Variants in MTMR2 observed in about 807,000 individuals in gnomAD.
The protein encoded by MTMR2 is myotubularin related protein 2.
In MTMR2, 55 loss-of-function variants were observed where a neutral mutation model predicts 86.9. That is an observed-to-expected ratio of 0.63 (90% CI 0.51 to 0.79). The LOEUF (loss-of-function observed/expected upper bound fraction) is 0.79, where lower values mean the gene tolerates loss of function less well. MTMR2 is among the 30% of genes least tolerant of loss of function. MTMR2 has a pLI of 0.00. For synonymous variants in MTMR2, 241 were observed against 266.8 expected (o/e 0.90, Z 0.94); for missense variants, 659 against 772.3 (o/e 0.85, Z 1.74).
intron 11 of MTMR2, among the ~76,000 whole-genome samples, chr11:95,842,538 T>A (rs551316663): frequency 6.6e-6 from 1 of 152,320 alleles, no homozygotes; most frequent in African/African-American, 2.4e-5. Flanking sequence ...ACCTAGTTTC[T>A]CAGTTATTTC....
chr11:95,840,523 G>A (rs747469258), intron 12 of MTMR2, among the ~76,000 whole-genome samples: 1 of 151,986 alleles, frequency 6.6e-6, no homozygotes, highest in Non-Finnish European at 1.5e-5. Flanking sequence ...CACACCAAAG[G>A]TCTGATTTAT....
At chr11:95,853,161 G>A (rs1266423780) in intron 7 of MTMR2, among the ~76,000 whole-genome samples, 1 of 148,956 alleles carries the variant, frequency 6.7e-6, no homozygotes, top group African/African-American at 2.5e-5. Flanking sequence ...TTTTTCACAT[G>A]CTGTACTAAA....
chr11:95,851,778 A>G (rs1864031534), intron 7 of MTMR2, among the ~76,000 whole-genome samples: 1 of 152,250 alleles, frequency 6.6e-6, no homozygotes, highest in Non-Finnish European at 1.5e-5. Context: ...CTGAGGTATT[A>G]TAATACTAAT....
intron 1 of MTMR2, among the ~76,000 whole-genome samples, chr11:95,922,157 T>G (rs1173284534): frequency 6.6e-6 from 1 of 152,168 alleles, no homozygotes; most frequent in Non-Finnish European, 1.5e-5. Flanking sequence ...CTTCTTATTT[T>G]AAAAGATGAG....
intron 1 of MTMR2, among the ~76,000 whole-genome samples, chr11:95,915,780 G>A (rs1347725400): frequency 6.6e-6 from 1 of 152,128 alleles, no homozygotes; most frequent in Non-Finnish European, 1.5e-5. Flanking sequence ...AGTAAGCAGA[G>A]TAGGCCATCA....
chr11:95,868,841 A>G (rs10831440), intron 2 of MTMR2, among the ~76,000 whole-genome samples: 1,732 of 152,186 alleles, frequency 0.011, 27 homozygotes, highest in African/African-American at 0.032. Flanking sequence ...CAATAACAAA[A>G]TGTGATCAAA....
At chr11:95,872,177 T>C (rs564125923) in intron 2 of MTMR2, among the ~76,000 whole-genome samples, 325 of 152,368 alleles carry the variant, frequency 2.1e-3, no homozygotes, top group Non-Finnish European at 3.4e-3. Context: ...GGCAGCTTGA[T>C]GGGGATGGCA....
intron 2 of MTMR2, among the ~76,000 whole-genome samples, chr11:95,872,938 C>A (rs1281658805): frequency 6.6e-6 from 1 of 152,154 alleles, no homozygotes; most frequent in Non-Finnish European, 1.5e-5. Flanking sequence ...GTATGTTGAA[C>A]CAGCCTTACA....
chr11:95,847,610 GT>G, intron 10 of MTMR2, 103 bp downstream of exon 10: 1 of 1,064,164 alleles, frequency 9.4e-7, no homozygotes, highest in Non-Finnish European at 1.5e-6. Context: ...ATTTTTCATT[GT>G]TTAGAAAGGT....
At chr11:95,903,931 G>A (rs1377589556) in intron 1 of MTMR2, among the ~76,000 whole-genome samples, 1 of 152,070 alleles carries the variant, frequency 6.6e-6, no homozygotes, top group Non-Finnish European at 1.5e-5. Context: ...TGGCTAAGAT[G>A]GTGAAACCTC....
intron 1 of MTMR2, among the ~76,000 whole-genome samples, chr11:95,891,359 G>A (rs1489085164): frequency 6.6e-6 from 1 of 151,936 alleles, no homozygotes; most frequent in Non-Finnish European, 1.5e-5. Flanking sequence ...GCTGAAGCAT[G>A]AGAATCATTT....
chr11:95,916,231 C>T (rs1866697712), intron 1 of MTMR2, among the ~76,000 whole-genome samples: 1 of 152,174 alleles, frequency 6.6e-6, no homozygotes, highest in Non-Finnish European at 1.5e-5. Context: ...CCATTCTCTC[C>T]TATTCCTCAG....
At chr11:95,899,216 T>A (rs1193041898) in intron 1 of MTMR2, among the ~76,000 whole-genome samples, 1 of 152,032 alleles carries the variant, frequency 6.6e-6, no homozygotes, top group Non-Finnish European at 1.5e-5. Context: ...AGTGGACATA[T>A]GGGACACTTT....
At position 95,841,652 on chromosome 11, in the gene MTMR2, GA is replaced by G. The variant is rs919538836; in HGVS notation, c.1443del (p.Gln482AsnfsTer9). 1 of 1,613,598 alleles carries G rather than the reference GA, an allele frequency of 6.2e-7. No individual in the cohort carries two copies. The highest frequency in any genetic ancestry group is 8.5e-7 in the Non-Finnish European group (1 of 1,179,700). ...ATCTGCCAGACACAGTCAATAAATT[GA>G]AGAAAAACAGGCGATCTGTCTGCAT... is the stretch of plus-strand genomic sequence containing the variant. ...HADADRSPVF[L>X]QFIDCVWQMT... is the part of the protein sequence containing the mutation. On this transcript the variant is annotated frameshift_variant, in exon 12 of 15. Transcript: ENST00000346299. LOFTEE classifies it high-confidence loss of function.
intron 11 of MTMR2, among the ~76,000 whole-genome samples, chr11:95,842,987 A>T (rs1178076888): frequency 6.6e-6 from 1 of 152,146 alleles, no homozygotes; most frequent in Non-Finnish European, 1.5e-5. Context: ...ACTCTTTGCT[A>T]CTGCATGTAG....
At chr11:95,914,297 G>A (rs988556797) in intron 1 of MTMR2, 5 of 970,588 alleles carry the variant, frequency 5.2e-6, no homozygotes, top group Non-Finnish European at 6.1e-6. Context: ...AATGTCAATG[G>A]CTCTTAACAC....
At chr11:95,847,665 C>T (rs375029987) in intron 10 of MTMR2, 49 bp downstream of exon 10, 1 of 1,510,602 alleles carries the variant, frequency 6.6e-7, no homozygotes, top group Non-Finnish European at 9.2e-7. Context: ...CTAATATAAA[C>T]AAAGGGGTAG....
intron 2 of MTMR2, among the ~76,000 whole-genome samples, chr11:95,883,556 T>C (rs984684354): frequency 3.9e-5 from 6 of 152,240 alleles, no homozygotes; most frequent in Non-Finnish European, 7.3e-5. Flanking sequence ...CAATTCCATT[T>C]ACAAAGCCTG....
At chr11:95,850,848 T>C in intron 7 of MTMR2, 99 bp from the exon 8 acceptor site, 1 of 1,097,626 alleles carries the variant, frequency 9.1e-7, no homozygotes, top group South Asian at 1.3e-5. Context: ...TGACCTCTAC[T>C]ATCCATCTCC....
Sources: allele counts gnomAD v4.1 joint callset (sites outside exome capture counted in the v4.1 genomes callset), GRCh38; gene constraint gnomAD v4.1.1; transcripts MANE v1.5; gene names NCBI Gene and HGNC (gene_info 2026-07-23, HGNC 2026-07-21).